The following GAN variants were observed in gnomAD, a reference collection of about 807,000 sequenced individuals.
The protein encoded by GAN is epididymis secretory sperm binding protein.
Under a neutral mutation model 71.3 loss-of-function variants are expected in GAN, and 48 were observed. The ratio of observed to expected loss-of-function variants is 0.67; its 90% CI spans 0.53 to 0.86. The LOEUF is 0.86. GAN is among the 40% of genes least tolerant of loss of function. GAN has a pLI of 0.00. For synonymous variants in GAN, 386 were observed against 276.8 expected (o/e 1.39, Z -3.92); for missense variants, 928 against 770.1 (o/e 1.21, Z -2.43).
At chr16:81,348,641 G>A (rs537631305) in intron 1 of GAN, among the ~76,000 whole-genome samples, 1 of 152,326 alleles carries the variant, frequency 6.6e-6, no homozygotes, top group South Asian at 2.1e-4. Flanking sequence ...TTAGCCCAGA[G>A]TAATACTACG....
In GAN at chr16:81,365,069, G is replaced by A. The variant is rs760129630; in HGVS notation, c.1332G>A (p.Arg444=). 16 of 1,613,964 alleles carry A rather than the reference G, an allele frequency of 9.9e-6. No homozygotes were observed. The highest frequency in any genetic ancestry group is 1.0e-5 in the Non-Finnish European group (12 of 1,179,848). ...AGTCTGTAGAGTGTTATGATCCCAG[G>A]ACCCAGCAGTGGACTGCCATATGTC... ...LFESVECYDP[R]TQQWTAICPL... Residue 444 remains arginine (R), a synonymous_variant, in exon 8 of 11, where the codon AGG becomes AGA. Transcript: ENST00000648994.
chr16:81,338,821 C>G (rs1179895819), intron 1 of GAN, among the ~76,000 whole-genome samples: 2 of 152,176 alleles, frequency 1.3e-5, no homozygotes, highest in Non-Finnish European at 2.9e-5. Flanking sequence ...TGCTTACAGT[C>G]CAAGACTGGA....
At chr16:81,339,577 C>T (rs113381384) in intron 1 of GAN, among the ~76,000 whole-genome samples, 1 of 152,254 alleles carries the variant, frequency 6.6e-6, no homozygotes, top group African/African-American at 2.4e-5. Context: ...TTGGAGTTTA[C>T]TAAAGGAAAT....
At chr16:81,334,934 T>A (rs944702340) in intron 1 of GAN, among the ~76,000 whole-genome samples, 2 of 152,186 alleles carry the variant, frequency 1.3e-5, no homozygotes, top group African/African-American at 2.4e-5. Context: ...GGTATGGGGA[T>A]AGAGCAGGAA....
chr16:81,374,739 A>G (rs1904275815), intron 9 of GAN, among the ~76,000 whole-genome samples: 1 of 152,202 alleles, frequency 6.6e-6, no homozygotes, highest in African/African-American at 2.4e-5. Context: ...CTGGCACGAC[A>G]GGATGCCCCA....
At chr16:81,345,910 C>A (rs938844934) in intron 1 of GAN, among the ~76,000 whole-genome samples, 1 of 152,180 alleles carries the variant, frequency 6.6e-6, no homozygotes, top group Non-Finnish European at 1.5e-5. Flanking sequence ...TAGATTCTCA[C>A]AAGGAATGTG....
intron 9 of GAN, among the ~76,000 whole-genome samples, chr16:81,370,218 T>G (rs918061480): frequency 3.3e-5 from 5 of 152,356 alleles, no homozygotes; most frequent in South Asian, 4.1e-4. Flanking sequence ...AACATCTCAC[T>G]GGTCTACCCC....
intron 9 of GAN, among the ~76,000 whole-genome samples, chr16:81,367,137 A>G (rs1910885793): frequency 1.3e-5 from 2 of 152,174 alleles, no homozygotes; most frequent in South Asian, 4.1e-4. Flanking sequence ...AGGTTGTTAC[A>G]TATTTGTACT....
chr16:81,328,357 A>C (rs888177074), intron 1 of GAN, among the ~76,000 whole-genome samples: 10 of 152,194 alleles, frequency 6.6e-5, no homozygotes, highest in Admixed American at 2.0e-4. Flanking sequence ...TGTAATGCCC[A>C]TAGTTGTCAT....
Position 81,377,152 on chromosome 16 carries a change from C to T in GAN, c.1503-67C>T, listed in dbSNP as rs529885514. The T allele has an allele frequency of 3.3e-5, 31 of 949,582 alleles. No homozygotes were observed. In the South Asian group the frequency reaches 3.9e-4, roughly 12 times the overall value. The allele number at this position is 949,582 out of a possible 1,614,324, so 58.8% of individuals were successfully genotyped here. A position where few individuals can be genotyped will look rare whatever the true frequency, so the allele number is the denominator to read the frequency against. ...TGATGACTCACCAAGCTTGCTGTGT[C>T]AGTCTTCCTAGATGTTGTTGTCATC... On this transcript the variant is annotated intron_variant, in intron 9 of 10. Coordinates refer to ENST00000648994, the MANE Select transcript of GAN (RefSeq NM_022041.4).
At position 81,315,145 on chromosome 16, in the gene GAN, A is replaced by C; in HGVS notation, c.32A>C (p.Gln11Pro). The change falls in exon 1 of 11, where the codon CAG becomes CCG. Residue 11 changes from glutamine (Q) to proline (P), a missense_variant. Physicochemically the swap from Gln to Pro is moderately conservative, Grantham distance 76. Transcript: ENST00000648994. The part of the protein sequence containing the change: MAEGSAVSDP[Q>P]HAARLLRALS... ...GAGGGCAGTGCCGTGTCTGACCCTC[A>C]GCACGCCGCGCGTCTGCTGCGAGCG... 1 of 1,538,266 alleles carries C rather than the reference A, an allele frequency of 6.5e-7. No homozygotes were observed. Among genetic ancestry groups the C allele is most frequent in the South Asian group, 1.2e-5 (1 of 82,268 alleles).
chr16:81,356,190 C>G (rs1910478855), intron 3 of GAN, among the ~76,000 whole-genome samples: 1 of 152,190 alleles, frequency 6.6e-6, no homozygotes, highest in Admixed American at 6.5e-5. Context: ...TTTTATTTTA[C>G]ATTTATAAAA....
intron 7 of GAN, 104 bp from the exon 8 acceptor site, chr16:81,364,870 C>G (rs1367176204): frequency 1.8e-6 from 2 of 1,131,092 alleles, no homozygotes; most frequent in African/African-American, 1.5e-5. Flanking sequence ...GAAATCAAAC[C>G]CCTTCCTAAA....
rs56023541 is a variant in GAN, at chr16:81,383,242, CTTTTTTTTTTTTTTTTT to C, written c.*5658_*5674del. 3.2e-5 allele frequency: 3 copies of C among 93,622 alleles called. No homozygotes were observed. Among genetic ancestry groups the C allele is most frequent in the Admixed American group, 2.4e-4 (2 of 8,194 alleles). 5.8% of individuals were successfully genotyped at this position (93,622 alleles called of 1,614,324 possible). On this transcript the variant is annotated 3_prime_UTR_variant, in exon 11 of 11. Coordinates refer to ENST00000648994, the MANE Select transcript of GAN (RefSeq NM_022041.4). The stretch of plus-strand genomic sequence containing the variant: ...TAGTCAGAAATGACTGTTGCCCTCT[CTTTTTTTTTTTTTTTTT>C]TTTTTTTTTTTGAGACGGAGTCTCG...
At chr16:81,375,332 A>AT in intron 9 of GAN, among the ~76,000 whole-genome samples, 1 of 121,434 alleles carries the variant, frequency 8.2e-6, no homozygotes, top group African/African-American at 3.1e-5. Flanking sequence ...TTTTTTTTTT[A>AT]ATTTATCTTT....
chr16:81,330,029 C>G (rs1413779865), intron 1 of GAN, among the ~76,000 whole-genome samples: 1 of 152,188 alleles, frequency 6.6e-6, no homozygotes, highest in African/African-American at 2.4e-5. Flanking sequence ...TCACCTCGCT[C>G]ACTCTCAGCA....
At position 81,356,899 on chromosome 16, in the gene GAN, A is replaced by G; in HGVS notation, c.748A>G (p.Asn250Asp). 2 of 1,613,924 alleles carry G rather than the reference A, an allele frequency of 1.2e-6. No homozygotes were observed. The highest frequency in any genetic ancestry group is 1.3e-5 in the African/African-American group (1 of 75,038). Residue 250 changes from asparagine to aspartate, a missense_variant, in exon 4 of 11, where the codon AAT becomes GAT. Transcript: ENST00000648994. The part of the protein sequence containing the change: ...LVREIVKECS[N>D]IPLSQPQQGE... ...ACGAGAAATTGTCAAAGAGTGTAGC[A>G]ATATACCGCTCAGCCAGCCGCAGCA...
At position 81,369,301 on chromosome 16, in the gene GAN, CA is replaced by C. The variant is rs1322468551; in HGVS notation, c.1502+3827del. 2.0e-5 allele frequency among the ~76,000 whole-genome samples: 3 copies of C among 152,094 alleles called. No homozygotes were observed. The East Asian group carries it at 5.8e-4, about 29-fold the overall frequency. ...AGTCCCCGGAGCTCTGCTTCCCTAC[CA>C]AAATAGAAAACCAGAAACAATACTG... is the stretch of plus-strand genomic sequence containing the variant. On this transcript the variant is annotated intron_variant, in intron 9 of 10. Transcript: ENST00000648994.
intron 1 of GAN, among the ~76,000 whole-genome samples, chr16:81,331,392 G>A (rs1004507313): frequency 4.6e-5 from 7 of 152,344 alleles, no homozygotes; most frequent in Non-Finnish European, 8.8e-5. Context: ...CGGGGGAAAA[G>A]TGGTGATACT....
Sources: allele counts gnomAD v4.1 joint callset (sites outside exome capture counted in the v4.1 genomes callset), GRCh38; gene constraint gnomAD v4.1.1; transcripts MANE v1.5; gene names NCBI Gene and HGNC (gene_info 2026-07-23, HGNC 2026-07-21).